The following LY6S variants were observed in gnomAD, a reference collection of about 807,000 sequenced individuals.
LY6S encodes lymphocyte antigen 6 family member S, also known as lymphocyte antigen 6S.
chr8:143,047,296 C>T, the LY6S span, among the ~76,000 whole-genome samples: 355 of 151,888 alleles, frequency 2.3e-3, 2 homozygotes, highest in African/African-American at 7.8e-3. Context: ...CCTGCCACCA[C>T]GCCCGGCTTT....
chr8:143,057,943 C>T, the LY6S span: 9 of 553,698 alleles, frequency 1.6e-5, 1 homozygote, highest in South Asian at 4.3e-5. Flanking sequence ...GTCTCAGCGT[C>T]GTCTCTGTCT....
At chr8:143,058,065 C>T in the LY6S span, among the ~76,000 whole-genome samples, 1 of 152,148 alleles carries the variant, frequency 6.6e-6, no homozygotes, top group Non-Finnish European at 1.5e-5. Context: ...ATTAATTTAA[C>T]AGTATTCAAT....
chr8:143,057,955 ACCCT>A, the LY6S span: 2 of 538,210 alleles, frequency 3.7e-6, no homozygotes. Flanking sequence ...TCTCTGTCTG[ACCCT>A]CCCTCCCTCT....
At chr8:143,069,095 C>T in the LY6S span, among the ~76,000 whole-genome samples, 1 of 152,164 alleles carries the variant, frequency 6.6e-6, no homozygotes, top group Non-Finnish European at 1.5e-5. Flanking sequence ...TGGCCCCGCT[C>T]CCATGGGGTG....
At chr8:143,045,227 G>A in the LY6S span, among the ~76,000 whole-genome samples, 6 of 152,138 alleles carry the variant, frequency 3.9e-5, no homozygotes, top group African/African-American at 1.4e-4. The surrounding 1 kb of genome is among the most constrained non-coding windows in gnomAD (Gnocchi z 5.3). Flanking sequence ...AGCACACACG[G>A]GGCAGCAGGA....
At chr8:143,049,012 G>T in the LY6S span, among the ~76,000 whole-genome samples, 2 of 152,082 alleles carry the variant, frequency 1.3e-5, no homozygotes, top group African/African-American at 4.8e-5. Context: ...CCAGCCAGCA[G>T]CGGGGGCCAC....
chr8:143,052,620 G>A, the LY6S span, among the ~76,000 whole-genome samples: 1 of 152,188 alleles, frequency 6.6e-6, no homozygotes, highest in Admixed American at 6.5e-5. Flanking sequence ...CTACAGAAGT[G>A]GTCAAGGCAT....
At chr8:143,065,965 G>A in the LY6S span, 8 of 316,862 alleles carry the variant, frequency 2.5e-5, no homozygotes, top group East Asian at 2.7e-4. Flanking sequence ...GGTCTAAATC[G>A]AGGCGGGGGT....
At chr8:143,044,574 C>T in the LY6S span, 11 of 1,029,174 alleles carry the variant, frequency 1.1e-5, no homozygotes, top group Non-Finnish European at 1.3e-5. Flanking sequence ...CAGACCGGCC[C>T]CCAAAGTGCT....
At chr8:143,059,183 C>T in the LY6S span, among the ~76,000 whole-genome samples, 44 of 151,980 alleles carry the variant, frequency 2.9e-4, no homozygotes, top group Admixed American at 1.5e-3. Context: ...CATGAGCCAC[C>T]GTATGCGGCC....
the LY6S span, among the ~76,000 whole-genome samples, chr8:143,076,395 C>A: frequency 6.6e-6 from 1 of 152,176 alleles, no homozygotes; most frequent in Non-Finnish European, 1.5e-5. Flanking sequence ...TCGCTGGGGA[C>A]GCCCAGACAC....
the LY6S span, among the ~76,000 whole-genome samples, chr8:143,069,606 G>A: frequency 2.0e-5 from 3 of 152,208 alleles, 1 homozygote; most frequent in Non-Finnish European, 4.4e-5. Context: ...ACAGCCACCA[G>A]GACGGGACAC....
At chr8:143,063,543 C>A in the LY6S span, among the ~76,000 whole-genome samples, 1 of 152,200 alleles carries the variant, frequency 6.6e-6, no homozygotes, top group Non-Finnish European at 1.5e-5. Flanking sequence ...AAGGCATATG[C>A]AGCATTTCTT....
chr8:143,067,487 C>T, the LY6S span, among the ~76,000 whole-genome samples: 287 of 152,328 alleles, frequency 1.9e-3, 2 homozygotes, highest in African/African-American at 6.7e-3. Flanking sequence ...CCCTCCACAC[C>T]TGTGAGTATT....
chr8:143,066,901 G>A, the LY6S span, among the ~76,000 whole-genome samples: 1 of 152,156 alleles, frequency 6.6e-6, no homozygotes, highest in Non-Finnish European at 1.5e-5. Flanking sequence ...GAATGATATG[G>A]TTTAGATGTC....
At chr8:143,046,419 T>C in the LY6S span, among the ~76,000 whole-genome samples, 1 of 151,598 alleles carries the variant, frequency 6.6e-6, no homozygotes, top group South Asian at 2.1e-4. Context: ...TTACTAAAAC[T>C]ACAAAAAAAT....
chr8:143,047,221 C>T, the LY6S span, among the ~76,000 whole-genome samples: 14,818 of 151,006 alleles, frequency 0.098, 2,429 homozygotes, highest in African/African-American at 0.34. Context: ...CTCACTGCAA[C>T]CTCTGCCTCC....
the LY6S span, among the ~76,000 whole-genome samples, chr8:143,074,048 C>T: frequency 6.6e-6 from 1 of 152,168 alleles, no homozygotes; most frequent in African/African-American, 2.4e-5. Flanking sequence ...TTTCTCCTGG[C>T]TGCAGCTAAC....
At chr8:143,041,571 C>A in the LY6S span, among the ~76,000 whole-genome samples, 1 of 152,162 alleles carries the variant, frequency 6.6e-6, no homozygotes. Flanking sequence ...TCCTCCTCAG[C>A]TTACGAAGAT....
Sources: allele counts gnomAD v4.1 joint callset (sites outside exome capture counted in the v4.1 genomes callset), GRCh38; gene constraint gnomAD v4.1.1; non-coding constraint Gnocchi (gnomAD v3.1); transcripts MANE v1.5; gene names NCBI Gene and HGNC (gene_info 2026-07-23, HGNC 2026-07-21).